Variants in ZC3H7A observed in about 807,000 individuals in gnomAD.
ZC3H7A encodes the protein zinc finger CCCH-type containing 7A.
In ZC3H7A, 44 loss-of-function variants were observed where a neutral mutation model predicts 125.5. The ratio of observed to expected loss-of-function variants is 0.35; its 90% CI spans 0.28 to 0.45. The LOEUF is 0.45. Ranked by LOEUF, ZC3H7A falls within the 20% of genes least tolerant of loss-of-function variation. The pLI, the probability that ZC3H7A is intolerant of heterozygous loss-of-function variation, is 1.00. For missense variants in ZC3H7A, 977 were observed against 1,170.7 expected, an observed-to-expected ratio of 0.83 and a Z score of 2.41; for synonymous variants, 399 against 391.2, an observed-to-expected ratio of 1.02 and a Z score of -0.23.
rs1272572345 is a variant in ZC3H7A at position 11,752,727 on chromosome 16, C to G, written c.2668G>C (p.Asp890His). 1.2e-6 allele frequency: 2 copies of G among 1,614,014 alleles called. No individual in the cohort carries two copies. The highest frequency in any genetic ancestry group is 2.2e-5 in the East Asian group (1 of 44,888). The change falls in exon 22 of 23, where the codon GAC becomes CAC. Residue 890 changes from aspartate to histidine, a missense_variant. Physicochemically the swap from Asp to His is moderately conservative, Grantham distance 81 (BLOSUM62 -1). Coordinates refer to ENST00000355758, the MANE Select transcript of ZC3H7A (RefSeq NM_014153.4). ...CGGTGCTGCCAGCAGTACTGGTCGT[C>G]CTCGGTGTGGAAAACCTTCTCTTTG... is the stretch of plus-strand genomic sequence containing the variant. ...KHKEKVFHTE[D>H]DQYCWQHRFP...
rs2141146848 is a variant in ZC3H7A at position 11,751,179 on chromosome 16, C to T, written c.*138G>A. On this transcript the variant is annotated 3_prime_UTR_variant, in exon 23 of 23. Coordinates refer to ENST00000355758, the MANE Select transcript of ZC3H7A (RefSeq NM_014153.4). ...GTGAAACAGCCCATTTTCCTACCTA[C>T]TGTGGGTTGCTGCTCAGGAGGAACG... 1 of 875,750 alleles carries T rather than the reference C, an allele frequency of 1.1e-6. No homozygotes were observed. Among genetic ancestry groups the T allele is most frequent in the Non-Finnish European group, 1.7e-6 (1 of 596,920 alleles). 54.2% of individuals were successfully genotyped at this position (875,750 alleles called of 1,614,324 possible). A position where few individuals can be genotyped will look rare whatever the true frequency, so the allele number is the denominator to read the frequency against.
At chr16:11,776,140 A>C (rs1434227506) in intron 7 of ZC3H7A, among the ~76,000 whole-genome samples, 180 bp downstream of exon 7, 1 of 151,226 alleles carries the variant, frequency 6.6e-6, no homozygotes, top group African/African-American at 2.4e-5. Context: ...CAGCCTGGGC[A>C]ACAGAACAAG....
chr16:11,787,922 G>T (rs2141217332), intron 1 of ZC3H7A, among the ~76,000 whole-genome samples: 1 of 151,948 alleles, frequency 6.6e-6, no homozygotes, highest in East Asian at 1.9e-4. Flanking sequence ...CTCCAGCCTG[G>T]GGGACAAGAG....
At chr16:11,788,279 C>T (rs1158310323) in intron 1 of ZC3H7A, among the ~76,000 whole-genome samples, 1 of 152,068 alleles carries the variant, frequency 6.6e-6, no homozygotes, top group Non-Finnish European at 1.5e-5. Context: ...ACCTTGAGAG[C>T]CCTGAGGACC....
chr16:11,763,166 G>T, intron 16 of ZC3H7A: 1 of 250,806 alleles, frequency 4.0e-6, no homozygotes, highest in Non-Finnish European at 7.6e-6. Context: ...GGAGCGTAGT[G>T]TTGTGATCCT....
chr16:11,774,578 T>A, intron 8 of ZC3H7A, 59 bp from the exon 9 acceptor site: 1 of 1,446,298 alleles, frequency 6.9e-7, no homozygotes, highest in Non-Finnish European at 9.2e-7. Context: ...AATAATACCA[T>A]TAATCCCCAA....
At chr16:11,761,773 T>C in intron 18 of ZC3H7A, 137 bp downstream of exon 18, 1 of 1,238,652 alleles carries the variant, frequency 8.1e-7, no homozygotes, top group Non-Finnish European at 1.1e-6. Context: ...TCTCTTCCCT[T>C]GTGTCTGTAA....
chr16:11,786,071 TG>T (rs2053252984), intron 1 of ZC3H7A, among the ~76,000 whole-genome samples: 1 of 152,240 alleles, frequency 6.6e-6, no homozygotes, highest in Non-Finnish European at 1.5e-5. Context: ...TCAATCTATG[TG>T]TTCAAAACTT....
intron 1 of ZC3H7A, among the ~76,000 whole-genome samples, chr16:11,792,548 G>A (rs2053371075): frequency 6.6e-6 from 1 of 152,260 alleles, no homozygotes; most frequent in Non-Finnish European, 1.5e-5. Flanking sequence ...TAAGGGAAAT[G>A]TGACTGCAAC....
intron 22 of ZC3H7A, among the ~76,000 whole-genome samples, chr16:11,752,066 C>T (rs756500509): frequency 4.0e-5 from 6 of 151,788 alleles, no homozygotes; most frequent in East Asian, 1.9e-4. Context: ...CCACCACGCC[C>T]GGCTAATTTT....
intron 5 of ZC3H7A, 54 bp downstream of exon 5, chr16:11,776,697 T>G: frequency 1.9e-6 from 3 of 1,549,772 alleles, no homozygotes; most frequent in Non-Finnish European, 2.6e-6. Flanking sequence ...TTAAATGCCA[T>G]TTATTATGAT....
intron 20 of ZC3H7A, among the ~76,000 whole-genome samples, chr16:11,758,208 C>A (rs2052685469): frequency 6.6e-6 from 1 of 152,192 alleles, no homozygotes; most frequent in Non-Finnish European, 1.5e-5. Context: ...ATATTTATAT[C>A]CAAATCTGAC....
At chr16:11,751,573 G>C in intron 22 of ZC3H7A, 67 bp from the exon 23 acceptor site, 1 of 1,481,884 alleles carries the variant, frequency 6.7e-7, no homozygotes, top group Non-Finnish European at 9.1e-7. Flanking sequence ...CATGATTCTT[G>C]AAACTGTATA....
At chr16:11,776,702 T>G in intron 5 of ZC3H7A, 49 bp downstream of exon 5, 2 of 1,552,180 alleles carry the variant, frequency 1.3e-6, no homozygotes, top group Non-Finnish European at 1.7e-6. Context: ...TGCCATTTAT[T>G]ATGATGTAAA....
Position 11,751,135 on chromosome 16 carries a change from T to A in ZC3H7A, c.*182A>T. 1.8e-6 allele frequency: 1 copy of A among 561,692 alleles called. No homozygotes were observed. The highest frequency in any genetic ancestry group is 3.0e-6 in the Non-Finnish European group (1 of 330,662). The allele number at this position is 561,692 out of a possible 1,614,324, so 34.8% of individuals were successfully genotyped here. A position where few individuals can be genotyped will look rare whatever the true frequency, so the allele number is the denominator to read the frequency against. ...TCACCATCTGATGCCAGTGGTTCCG[T>A]GAGAGCGTGGCCAGGCCTGTGAAAC... On this transcript the variant is annotated 3_prime_UTR_variant, in exon 23 of 23. Coordinates refer to ENST00000355758, the MANE Select transcript of ZC3H7A (RefSeq NM_014153.4).
chr16:11,785,034 T>C (rs537670737), intron 1 of ZC3H7A, among the ~76,000 whole-genome samples: 22 of 151,424 alleles, frequency 1.5e-4, no homozygotes, highest in African/African-American at 5.3e-4. Context: ...GGCACATGCC[T>C]ATAATCCCAG....
intron 1 of ZC3H7A, chr16:11,796,637 C>T (rs564133204): frequency 2.2e-4 from 33 of 152,674 alleles, no homozygotes; most frequent in African/African-American, 7.7e-4. Flanking sequence ...CCCGCCCGGC[C>T]CAGGGCTGCA....
rs1168279692 is a variant in ZC3H7A, at chr16:11,767,540, C to T, written c.1399G>A (p.Asp467Asn). The T allele has an allele frequency of 6.2e-7, 1 of 1,610,228 alleles. No individual in the cohort carries two copies. Among genetic ancestry groups the T allele is most frequent in the South Asian group, 1.1e-5 (1 of 90,420 alleles). ...LMDFTYHANI[D>N]HKCKKDILIG... The stretch of plus-strand genomic sequence containing the variant: ...AAAATATCTTTCTTACACTTATGAT[C>T]TATGTTAGCATGGTAAGTGAAATCC... Residue 467 changes from aspartate to asparagine, a missense_variant, in exon 13 of 23, where the codon GAT becomes AAT. Physicochemically the swap from Asp to Asn is conservative, Grantham distance 23. Transcript: ENST00000355758.
intron 18 of ZC3H7A, 95 bp from the exon 19 acceptor site, chr16:11,761,606 G>T (rs2052754321): frequency 2.3e-6 from 3 of 1,311,892 alleles, no homozygotes; most frequent in Non-Finnish European, 3.2e-6. Context: ...AGGAACCAGA[G>T]AATTTTTTTC....
Sources: allele counts gnomAD v4.1 joint callset (sites outside exome capture counted in the v4.1 genomes callset), GRCh38; gene constraint gnomAD v4.1.1; transcripts MANE v1.5; gene names NCBI Gene and HGNC (gene_info 2026-07-23, HGNC 2026-07-21).